Variants in FAM110B observed in about 807,000 individuals in gnomAD.
The protein encoded by FAM110B is family with sequence similarity 110 member B.
A neutral mutation model predicts 20.4 loss-of-function variants in FAM110B; 6 were observed. That is an observed-to-expected ratio of 0.29 (90% CI 0.16 to 0.58). FAM110B has a LOEUF of 0.58. Among genes scored for constraint, FAM110B ranks in the 20% least tolerant of loss-of-function variants. The pLI, the probability that FAM110B is intolerant of heterozygous loss-of-function variation, is 0.90. For synonymous variants in FAM110B, 226 were observed against 214.1 expected (o/e 1.06, Z -0.49); for missense variants, 434 against 498.2 (o/e 0.87, Z 1.23).
intron 2 of FAM110B, among the ~76,000 whole-genome samples, chr8:58,039,345 C>T (rs924082754): frequency 6.6e-6 from 1 of 152,242 alleles, no homozygotes; most frequent in Admixed American, 6.5e-5. Context: ...CTGTTTGTCT[C>T]CCTGCTGGTT....
chr8:58,097,137 T>C (rs953684148), intron 3 of FAM110B, among the ~76,000 whole-genome samples: 2 of 152,218 alleles, frequency 1.3e-5, no homozygotes, highest in Non-Finnish European at 2.9e-5. Flanking sequence ...CTAAGAGTGT[T>C]TTCCAACTTG....
intron 3 of FAM110B, among the ~76,000 whole-genome samples, chr8:58,126,668 G>C (rs1807513903): frequency 6.6e-6 from 1 of 151,806 alleles, no homozygotes; most frequent in Non-Finnish European, 1.5e-5. Context: ...TTATAATGTT[G>C]ACATCTTTTC....
intron 3 of FAM110B, among the ~76,000 whole-genome samples, chr8:58,083,430 C>T (rs568421766): frequency 6.6e-6 from 1 of 152,278 alleles, no homozygotes; most frequent in South Asian, 2.1e-4. Flanking sequence ...ATTTGGTCTC[C>T]TCAACTGCGT....
At chr8:58,068,431 C>G (rs992953591) in intron 2 of FAM110B, among the ~76,000 whole-genome samples, 3 of 152,086 alleles carry the variant, frequency 2.0e-5, no homozygotes, top group Non-Finnish European at 4.4e-5. Context: ...CATGTCATTC[C>G]TTTCACTGGT....
intron 1 of FAM110B, among the ~76,000 whole-genome samples, chr8:57,999,402 T>C (rs940632064): frequency 6.6e-6 from 1 of 152,352 alleles, no homozygotes; most frequent in Admixed American, 6.5e-5. Flanking sequence ...AGTGGTTGTG[T>C]TGTAATGCAA....
intron 3 of FAM110B, among the ~76,000 whole-genome samples, chr8:58,099,494 A>G (rs1456103900): frequency 2.0e-5 from 3 of 152,252 alleles, no homozygotes; most frequent in Non-Finnish European, 4.4e-5. Context: ...ACTTCAGCAT[A>G]TAAGTAATTT....
chr8:58,116,673 T>G (rs1408660236), intron 3 of FAM110B, among the ~76,000 whole-genome samples: 1 of 152,188 alleles, frequency 6.6e-6, no homozygotes, highest in Non-Finnish European at 1.5e-5. Flanking sequence ...ATAAGCCTAT[T>G]TTGAAGTTCT....
intron 2 of FAM110B, among the ~76,000 whole-genome samples, chr8:58,045,690 A>G (rs943557269): frequency 6.6e-5 from 10 of 152,212 alleles, no homozygotes; most frequent in African/African-American, 2.4e-4. Context: ...TGTGAAAACC[A>G]CTGCACTATG....
At chr8:58,004,872 G>A (rs1415294918) in intron 1 of FAM110B, among the ~76,000 whole-genome samples, 4 of 152,172 alleles carry the variant, frequency 2.6e-5, no homozygotes, top group Admixed American at 2.6e-4. Flanking sequence ...CTTGACTTAC[G>A]GGAATATTGT....
chr8:57,996,599 T>A (rs1804188669), intron 1 of FAM110B, among the ~76,000 whole-genome samples: 1 of 152,162 alleles, frequency 6.6e-6, no homozygotes, highest in Non-Finnish European at 1.5e-5. Context: ...CCTGGTGCCT[T>A]TCATAAGGAG....
chr8:58,125,507 T>A (rs542329154), intron 3 of FAM110B, among the ~76,000 whole-genome samples: 1 of 152,348 alleles, frequency 6.6e-6, no homozygotes, highest in Non-Finnish European at 1.5e-5. Context: ...TTAAAAAACA[T>A]TTTAATCCAT....
At position 58,018,141 on chromosome 8, in the gene FAM110B, A is replaced by G. The variant is rs1804675939; in HGVS notation, c.-511-13465A>G. 3.3e-5 allele frequency among the ~76,000 whole-genome samples: 5 copies of G among 152,278 alleles called. No homozygotes were observed. In the South Asian group the frequency reaches 1.0e-3, roughly 32 times the overall value. ...AAACAAATGTATTTAATTTTTTAAT[A>G]TCCTTATAATTTTTTCTGCCTGTTC... On this transcript the variant is annotated intron_variant, in intron 1 of 3. Coordinates refer to ENST00000519262, the MANE Select transcript of FAM110B (RefSeq NM_001377989.1).
At chr8:58,032,944 C>G (rs761839393) in intron 2 of FAM110B, among the ~76,000 whole-genome samples, 2 of 152,086 alleles carry the variant, frequency 1.3e-5, no homozygotes, top group African/African-American at 4.8e-5. Flanking sequence ...AGGAGGTGCA[C>G]GTACAGGTTT....
intron 3 of FAM110B, among the ~76,000 whole-genome samples, chr8:58,091,022 A>G (rs564431290): frequency 6.6e-6 from 1 of 152,332 alleles, no homozygotes; most frequent in African/African-American, 2.4e-5. Context: ...CCCTTGGTCT[A>G]GATGAGGCAG....
At chr8:58,057,592 C>T (rs1805573147) in intron 2 of FAM110B, among the ~76,000 whole-genome samples, 1 of 152,148 alleles carries the variant, frequency 6.6e-6, no homozygotes, top group South Asian at 2.1e-4. Context: ...TTCTCTGTCA[C>T]CATCTTAAGC....
intron 1 of FAM110B, among the ~76,000 whole-genome samples, chr8:58,006,183 A>G (rs1178006533): frequency 1.3e-5 from 2 of 152,192 alleles, no homozygotes; most frequent in African/African-American, 4.8e-5. Context: ...CTTATGTGCA[A>G]TTTTAGCTTT....
chr8:58,027,990 G>A (rs1410944177), intron 1 of FAM110B, among the ~76,000 whole-genome samples: 10 of 152,196 alleles, frequency 6.6e-5, no homozygotes, highest in African/African-American at 2.4e-4. Context: ...GGGTCATATC[G>A]TACGTGCTTA....
At chr8:58,055,672 C>G (rs1414781047) in intron 2 of FAM110B, among the ~76,000 whole-genome samples, 2 of 152,172 alleles carry the variant, frequency 1.3e-5, no homozygotes, top group African/African-American at 4.8e-5. Flanking sequence ...GTGCACGGGC[C>G]TTGTTGAGAG....
At chr8:58,026,293 T>C (rs912131905) in intron 1 of FAM110B, among the ~76,000 whole-genome samples, 1 of 152,096 alleles carries the variant, frequency 6.6e-6, no homozygotes, top group African/African-American at 2.4e-5. Context: ...TTGCATTACT[T>C]ACCTTTTTTG....
Sources: gnomAD v4.1 joint callset for allele counts (sites outside exome capture counted in the v4.1 genomes callset) on GRCh38, gnomAD v4.1.1 for gene constraint, MANE v1.5 for transcripts, NCBI Gene and HGNC (gene_info 2026-07-23, HGNC 2026-07-21) for gene names.